Variants in PIK3CB observed in about 807,000 individuals in gnomAD.
PIK3CB encodes the protein phosphatidylinositol-4,5-bisphosphate 3-kinase catalytic subunit beta.
PIK3CB carries 39 observed loss-of-function variants against 136.8 expected under a neutral mutation model. That is an observed-to-expected ratio of 0.29 (90% CI 0.22 to 0.37). The LOEUF (loss-of-function observed/expected upper bound fraction) is 0.37. PIK3CB is among the 10% of genes least tolerant of loss of function. The probability of loss-of-function intolerance (pLI) is 1.00; values close to 1 mark genes in which losing one functional copy is unlikely to be tolerated. For synonymous variants in PIK3CB, 428 were observed against 436.6 expected, an observed-to-expected ratio of 0.98 and a Z score of 0.25; for missense variants, 868 against 1,275.4, an observed-to-expected ratio of 0.68 and a Z score of 4.87.
At chr3:138,799,932 G>A (rs889492891) in intron 1 of PIK3CB, among the ~76,000 whole-genome samples, 22 of 152,136 alleles carry the variant, frequency 1.4e-4, no homozygotes, top group Non-Finnish European at 3.1e-4. Context: ...ACCCACTTCA[G>A]CCTCTAAAAG....
intron 8 of PIK3CB, among the ~76,000 whole-genome samples, chr3:138,728,504 G>A (rs1030303026): frequency 6.6e-6 from 1 of 152,136 alleles, no homozygotes; most frequent in East Asian, 1.9e-4. Context: ...GATGCCAGGC[G>A]CAGTGGCTCA....
At chr3:138,720,590 G>C (rs1459904922) in intron 8 of PIK3CB, among the ~76,000 whole-genome samples, 1 of 152,124 alleles carries the variant, frequency 6.6e-6, no homozygotes, top group Non-Finnish European at 1.5e-5. Context: ...TTTCAGGCTG[G>C]GTGAGGTGGC....
At position 138,672,929 on chromosome 3, in the gene PIK3CB, A is replaced by AAG. The variant is rs778144963; in HGVS notation, c.2505-7728_2505-7727dup. ...TCCGTTGAAAAAAAAAAAAAAAAAA[A>AAG]AGAGAGAGAGAGAAAGAGATGAAAA... On this transcript the variant is annotated intron_variant, in intron 19 of 23. Coordinates refer to ENST00000674063, the MANE Select transcript of PIK3CB (RefSeq NM_006219.3). Among the ~76,000 whole-genome samples the AAG allele has an allele frequency of 3.4e-3, 489 of 142,974 alleles. 4 individuals carry two copies. The highest frequency in any genetic ancestry group is 4.5e-3 in the South Asian group (21 of 4,638). 93.8% of individuals were successfully genotyped at this position (142,974 alleles called of 152,430 possible).
intron 1 of PIK3CB, among the ~76,000 whole-genome samples, chr3:138,805,705 T>C (rs1236053508): frequency 6.6e-6 from 1 of 151,766 alleles, no homozygotes; most frequent in African/African-American, 2.4e-5. Flanking sequence ...ATTTAGGATG[T>C]ACATCTTCTC....
At chr3:138,754,009 T>TA (rs2108713897) in intron 4 of PIK3CB, among the ~76,000 whole-genome samples, 1 of 152,200 alleles carries the variant, frequency 6.6e-6, no homozygotes, top group African/African-American at 2.4e-5. Context: ...TCAAAAGAAA[T>TA]ATATCAAAAT....
At chr3:138,826,452 C>A in intron 1 of PIK3CB, 1 of 670,704 alleles carries the variant, frequency 1.5e-6, no homozygotes, top group Non-Finnish European at 2.4e-6. Flanking sequence ...TAACAATGCA[C>A]TGTAAACCCC....
At chr3:138,735,591 C>A (rs771683013) in intron 6 of PIK3CB, among the ~76,000 whole-genome samples, 1 of 152,118 alleles carries the variant, frequency 6.6e-6, no homozygotes, top group Non-Finnish European at 1.5e-5. Context: ...CAAGTATTAC[C>A]AGCCGTCTTC....
chr3:138,744,550 G>T (rs1482591609), intron 4 of PIK3CB, among the ~76,000 whole-genome samples: 1 of 151,786 alleles, frequency 6.6e-6, no homozygotes, highest in Non-Finnish European at 1.5e-5. Flanking sequence ...GAGGTACAAG[G>T]GGAGGCAGCA....
At chr3:138,799,343 A>AT (rs907376622) in intron 1 of PIK3CB, among the ~76,000 whole-genome samples, 21 of 150,088 alleles carry the variant, frequency 1.4e-4, no homozygotes, top group South Asian at 1.3e-3. Context: ...ACATCTGGCT[A>AT]TTTTTTTTTG....
chr3:138,773,163 G>A (rs2108768787), intron 2 of PIK3CB, among the ~76,000 whole-genome samples: 1 of 152,188 alleles, frequency 6.6e-6, no homozygotes, highest in East Asian at 1.9e-4. Flanking sequence ...CACTTTGGGA[G>A]GCTGAGGTGG....
chr3:138,755,857 T>G lies in PIK3CB; in HGVS notation c.294A>C (p.Arg98Ser). 1 of 1,612,428 alleles carries G rather than the reference T, an allele frequency of 6.2e-7. No homozygotes were observed. The highest frequency in any genetic ancestry group is 8.5e-7 in the Non-Finnish European group (1 of 1,178,638). ...VYEELEDETR[R>S]LCDVRPFLPV... is the part of the protein sequence containing the mutation. ...GAAGAAAAGGTCTGACATCACAGAG[T>G]CTTCGTGTTTCATCTTCAAGCTCCT... Residue 98 changes from arginine (R) to serine (S), a missense_variant, in exon 4 of 24, where the codon AGA becomes AGC. Arg to Ser is a moderately radical substitution (Grantham distance 110). Coordinates refer to ENST00000674063, the MANE Select transcript of PIK3CB (RefSeq NM_006219.3).
intron 11 of PIK3CB, among the ~76,000 whole-genome samples, chr3:138,705,181 CAAAACAAACAAAAAA>C (rs2044347428): frequency 3.4e-5 from 2 of 58,528 alleles, no homozygotes; most frequent in African/African-American, 1.7e-4. Flanking sequence ...AAACAAAAAA[CAAAACAAACAAAAAA>C]AAAAACTTAT....
chr3:138,781,909 G>A lies in PIK3CB; in HGVS notation c.-17+14554C>T, dbSNP rs142592635. Reference sequence around the variant, plus strand: ...TGTACTCTAGCCTGGGTGAAAGAGCGAGACACTGTCTCAAAAAAATTAAAG... The same window carrying A: ...TGTACTCTAGCCTGGGTGAAAGAGCAAGACACTGTCTCAAAAAAATTAAAG... On this transcript the variant is annotated intron_variant, in intron 2 of 23. Coordinates refer to ENST00000674063, the MANE Select transcript of PIK3CB (RefSeq NM_006219.3). Among the ~76,000 whole-genome samples, 613 of 152,224 alleles carry A rather than the reference G, an allele frequency of 4.0e-3. 7 individuals are homozygous for A. Among genetic ancestry groups the A allele is most frequent in the Middle Eastern group, 0.027 (8 of 294 alleles).
At chr3:138,812,442 G>A (rs1372952108) in intron 1 of PIK3CB, among the ~76,000 whole-genome samples, 1 of 151,426 alleles carries the variant, frequency 6.6e-6, no homozygotes, top group Non-Finnish European at 1.5e-5. Context: ...TCACCACATT[G>A]GTCAAACTGG....
At chr3:138,765,353 G>A (rs1208825885) in intron 2 of PIK3CB, among the ~76,000 whole-genome samples, 3 of 151,858 alleles carry the variant, frequency 2.0e-5, no homozygotes, top group African/African-American at 7.3e-5. Context: ...CAATTATATT[G>A]GATATTAAAA....
At chr3:138,692,606 T>C (rs1346021861) in intron 14 of PIK3CB, among the ~76,000 whole-genome samples, 1 of 152,256 alleles carries the variant, frequency 6.6e-6, no homozygotes. Context: ...AATAGGAAGC[T>C]GTTTCCTCTT....
At chr3:138,741,806 C>A (rs2045250886) in intron 5 of PIK3CB, among the ~76,000 whole-genome samples, 1 of 148,784 alleles carries the variant, frequency 6.7e-6, no homozygotes, top group South Asian at 2.1e-4. Context: ...CCAGCCTGGG[C>A]AACAGAGCAA....
At chr3:138,687,753 C>G (rs537652160) in intron 16 of PIK3CB, among the ~76,000 whole-genome samples, 7 of 152,256 alleles carry the variant, frequency 4.6e-5, no homozygotes, top group African/African-American at 1.7e-4. Context: ...CTGCATCTGG[C>G]CACAGTCTAC....
At chr3:138,766,375 TTA>T in intron 2 of PIK3CB, among the ~76,000 whole-genome samples, 1 of 152,344 alleles carries the variant, frequency 6.6e-6, no homozygotes, top group South Asian at 2.1e-4. Flanking sequence ...CACTAAGTTT[TTA>T]TGTTTTATGT....
Sources: allele counts gnomAD v4.1 joint callset (sites outside exome capture counted in the v4.1 genomes callset), GRCh38; gene constraint gnomAD v4.1.1; transcripts MANE v1.5; gene names NCBI Gene and HGNC (gene_info 2026-07-23, HGNC 2026-07-21).